The following EHMT1 variants were observed in gnomAD, a reference collection of about 807,000 sequenced individuals.
The protein encoded by EHMT1 is euchromatic histone lysine methyltransferase 1, also known as histone-lysine N-methyltransferase EHMT1.
EHMT1 carries 15 observed loss-of-function variants against 147.2 expected under a neutral mutation model. The observed-to-expected ratio is 0.10, with a 90% confidence interval of 0.07 to 0.16. The LOEUF is 0.16. EHMT1 is among the 10% of genes least tolerant of loss of function. The probability of loss-of-function intolerance (pLI) is 1.00; values close to 1 mark genes in which losing one functional copy is unlikely to be tolerated. For missense variants in EHMT1, 1,587 were observed against 1,772.4 expected (o/e 0.90, Z 1.88); for synonymous variants, 795 against 709.6 (o/e 1.12, Z -1.91).
intron 1 of EHMT1, among the ~76,000 whole-genome samples, chr9:137,654,812 C>T (rs1159431687): frequency 6.6e-6 from 1 of 152,106 alleles, no homozygotes; most frequent in Non-Finnish European, 1.5e-5. Flanking sequence ...GGGAAGTGAA[C>T]AGTGCACATG....
chr9:137,652,228 G>A (rs865798695), intron 1 of EHMT1, among the ~76,000 whole-genome samples: 1 of 152,192 alleles, frequency 6.6e-6, no homozygotes, highest in African/African-American at 2.4e-5. Context: ...ACTCTGTGTG[G>A]GCCTTGGCTA....
intron 18 of EHMT1, among the ~76,000 whole-genome samples, chr9:137,805,487 G>A (rs530699596): frequency 6.6e-6 from 1 of 152,342 alleles, no homozygotes; most frequent in African/African-American, 2.4e-5. Flanking sequence ...GCATTGATCT[G>A]CATATCTGCC....
rs140345462 is a variant in EHMT1 at position 137,744,069 on chromosome 9, G to A, written c.1149G>A (p.Ser383=). Residue 383 remains serine, a synonymous_variant, in exon 6 of 27, where the codon TCG becomes TCA. Transcript: ENST00000460843. ...GCAGGACTTCCAAGGAGAGCATGTC[G>A]GAGGCTGATCGCGCCCAGAAGGTAT... is the stretch of plus-strand genomic sequence containing the variant. ...EDSRTSKESM[S]EADRAQKMDG... 1.5e-4 allele frequency: 241 copies of A among 1,614,128 alleles called. 1 individual carries two copies. In the African/African-American group the frequency reaches 2.3e-3, roughly 15 times the overall value.
intron 3 of EHMT1, among the ~76,000 whole-genome samples, chr9:137,719,153 A>C (rs1945672657): frequency 6.6e-6 from 1 of 152,134 alleles, no homozygotes; most frequent in African/African-American, 2.4e-5. Flanking sequence ...GTAAATTCTG[A>C]TTCCTCAAGT....
chr9:137,636,170 T>A (rs1387454950), intron 1 of EHMT1, among the ~76,000 whole-genome samples: 4 of 152,116 alleles, frequency 2.6e-5, no homozygotes, highest in Admixed American at 1.3e-4. Context: ...TCCACCCACC[T>A]CCAGCTCCCA....
intron 4 of EHMT1, among the ~76,000 whole-genome samples, chr9:137,737,769 G>C (rs1226811961): frequency 6.6e-6 from 1 of 152,112 alleles, no homozygotes; most frequent in Non-Finnish European, 1.5e-5. Flanking sequence ...AAAAGACACT[G>C]TTAACGGAAT....
At chr9:137,738,035 A>G (rs1008587389) in intron 4 of EHMT1, among the ~76,000 whole-genome samples, 3 of 152,100 alleles carry the variant, frequency 2.0e-5, no homozygotes, top group Non-Finnish European at 4.4e-5. Flanking sequence ...CTCTACTACA[A>G]ATACAAAAGT....
chr9:137,789,230 C>CCCGAAG (rs1256269912), intron 15 of EHMT1: 2 of 152,372 alleles, frequency 1.3e-5, no homozygotes, highest in Non-Finnish European at 2.9e-5. Flanking sequence ...CTATGCTCCG[C>CCCGAAG]CCGAAGCCGT....
chr9:137,626,648 A>G (rs973590494), intron 1 of EHMT1, among the ~76,000 whole-genome samples: 3 of 150,946 alleles, frequency 2.0e-5, no homozygotes, highest in East Asian at 1.9e-4. Context: ...TTAGTGTCTC[A>G]TTGTCTTTGG....
At chr9:137,686,287 T>C (rs1157725359) in intron 1 of EHMT1, among the ~76,000 whole-genome samples, 1 of 152,240 alleles carries the variant, frequency 6.6e-6, no homozygotes, top group East Asian at 1.9e-4. Context: ...GTTGCCTAAC[T>C]CAAGGTTGTG....
intron 25 of EHMT1, among the ~76,000 whole-genome samples, chr9:137,820,321 CCT>C (rs1428984636): frequency 1.3e-5 from 2 of 152,208 alleles, no homozygotes; most frequent in African/African-American, 4.8e-5. Context: ...TTGTGAGGCT[CCT>C]CTGCTGCGAA....
Position 137,777,993 on chromosome 9 carries a change from C to G in EHMT1, c.2130C>G (p.Gly710=), listed in dbSNP as rs1383023998. 3 of 1,613,912 alleles carry G rather than the reference C, an allele frequency of 1.9e-6. No homozygotes were observed. In the Admixed American group the frequency reaches 5.0e-5, roughly 27 times the overall value. Residue 710 remains glycine (G), a synonymous_variant, in exon 13 of 27, where the codon GGC becomes GGG. Coordinates refer to ENST00000460843, the MANE Select transcript of EHMT1 (RefSeq NM_024757.5). ...CTGGGCTTGGGAGGCCAACTCCCGG[C>G]CTTTCCCAGGGACCAGGGAAGGAAA... The part of the protein sequence containing the change: ...GPAGLGRPTP[G]LSQGPGKETL...
intron 14 of EHMT1, among the ~76,000 whole-genome samples, chr9:137,780,269 G>T (rs1951301597): frequency 6.8e-6 from 1 of 147,500 alleles, no homozygotes; most frequent in African/African-American, 2.5e-5. Context: ...GGGATGTGTG[G>T]TGATGATGCT....
chr9:137,822,916 T>G (rs1955536007), intron 25 of EHMT1, among the ~76,000 whole-genome samples: 1 of 150,564 alleles, frequency 6.6e-6, no homozygotes, highest in African/African-American at 2.5e-5. Flanking sequence ...AAAAGCCTGT[T>G]TTTTGTTGTT....
At chr9:137,634,692 C>CT (rs1843857995) in intron 1 of EHMT1, among the ~76,000 whole-genome samples, 1 of 137,534 alleles carries the variant, frequency 7.3e-6, no homozygotes, top group Non-Finnish European at 1.6e-5. Context: ...TCTTTCTTTT[C>CT]TTTCTTTCTT....
chr9:137,717,585 A>C (rs1945460982), intron 3 of EHMT1, among the ~76,000 whole-genome samples: 1 of 143,070 alleles, frequency 7.0e-6, no homozygotes, highest in African/African-American at 2.6e-5. Flanking sequence ...CAGCTTGGGC[A>C]CCAGAGTGAG....
intron 3 of EHMT1, among the ~76,000 whole-genome samples, chr9:137,718,103 T>TCA (rs199568983): frequency 7.5e-6 from 1 of 133,098 alleles, no homozygotes; most frequent in Non-Finnish European, 1.5e-5. Context: ...CGCCCGCCCC[T>TCA]CACGCACCGT....
intron 4 of EHMT1, among the ~76,000 whole-genome samples, chr9:137,742,265 C>T (rs890535557): frequency 6.7e-6 from 1 of 150,112 alleles, no homozygotes; most frequent in East Asian, 2.0e-4. Flanking sequence ...CCAACTGTTG[C>T]TTCTGCACTT....
chr9:137,632,882 C>G (rs148299232), intron 1 of EHMT1, among the ~76,000 whole-genome samples: 1 of 152,188 alleles, frequency 6.6e-6, no homozygotes. Context: ...CTCGTCCTTG[C>G]AATAAGGGCA....
Sources: allele counts gnomAD v4.1 joint callset (sites outside exome capture counted in the v4.1 genomes callset), GRCh38; gene constraint gnomAD v4.1.1; transcripts MANE v1.5; gene names NCBI Gene and HGNC (gene_info 2026-07-23, HGNC 2026-07-21).